Variants in RBFOX2 observed in about 807,000 individuals in gnomAD.
The protein encoded by RBFOX2 is RNA binding fox-1 homolog 2, also known as RNA binding protein fox-1 homolog 2.
RBFOX2 carries 10 observed loss-of-function variants against 49.1 expected under a neutral mutation model. That is an observed-to-expected ratio of 0.20 (90% CI 0.13 to 0.35). The LOEUF (loss-of-function observed/expected upper bound fraction) is 0.35. Ranked by LOEUF, RBFOX2 falls within the 10% of genes least tolerant of loss-of-function variation. The pLI is 1.00. For synonymous variants in RBFOX2, 183 were observed against 187.4 expected (o/e 0.98, Z 0.19); for missense variants, 323 against 486.9 (o/e 0.66, Z 3.17).
rs142455818 is a variant in RBFOX2, at chr22:35,876,701, A to AACACACACACAC, written c.-34+62134_-34+62145dup. The stretch of plus-strand genomic sequence containing the variant: ...CTGATCACATTCTCCCATTAAAAGA[A>AACACACACACAC]ACACACACACACACACACACACACA... On this transcript the variant is annotated intron_variant, in intron 1 of 13. Transcript: ENST00000359369. 2.6e-3 allele frequency among the ~76,000 whole-genome samples: 372 copies of AACACACACACAC among 140,546 alleles called. 1 individual carries two copies. The highest frequency in any genetic ancestry group is 7.4e-3 in the Middle Eastern group (2 of 270). The allele number at this position is 140,546 out of a possible 152,430, so 92.2% of individuals were successfully genotyped here.
chr22:35,768,252 T>C lies in RBFOX2; in HGVS notation c.546+5A>G. On this transcript the variant is annotated splice_donor_5th_base_variant and intron_variant, in intron 5 of 11. Transcript: ENST00000405409. ...ACCAGAAATTGAATTATTAAAGACA[T>C]GCACCTCGATTTTACGGCCCTCTAC... is the stretch of plus-strand genomic sequence containing the variant. 5 of 1,612,474 alleles carry C rather than the reference T, an allele frequency of 3.1e-6. No homozygotes were observed. The highest frequency in any genetic ancestry group is 3.4e-6 in the Non-Finnish European group (4 of 1,178,612).
chr22:35,842,688 C>T (rs1408633683), upstream of RBFOX2, among the ~76,000 whole-genome samples: 1 of 152,000 alleles, frequency 6.6e-6, no homozygotes, highest in Non-Finnish European at 1.5e-5. Context: ...GATAGCATCT[C>T]CCCCACAATG....
intron 1 of RBFOX2, among the ~76,000 whole-genome samples, chr22:36,022,105 A>G (rs1401246709): frequency 2.0e-5 from 3 of 152,206 alleles, no homozygotes; most frequent in Admixed American, 2.0e-4. Context: ...TGCTTTACAA[A>G]TGTATATCAA....
intron 1 of RBFOX2, among the ~76,000 whole-genome samples, chr22:35,833,886 T>C (rs1957203810): frequency 6.6e-6 from 1 of 150,628 alleles, no homozygotes; most frequent in Admixed American, 6.8e-5. Context: ...GTGCTCTGCA[T>C]TATTATTTAG....
chr22:35,789,993 T>C (rs1455211768), intron 2 of RBFOX2, among the ~76,000 whole-genome samples: 2 of 152,176 alleles, frequency 1.3e-5, no homozygotes, highest in Non-Finnish European at 2.9e-5. Context: ...ATTTGTTCTT[T>C]AAGTCTTCTT....
At chr22:35,894,053 G>C (rs953527451) in intron 1 of RBFOX2, among the ~76,000 whole-genome samples, 1 of 151,944 alleles carries the variant, frequency 6.6e-6, no homozygotes, top group East Asian at 1.9e-4. Flanking sequence ...TATTTCCCCT[G>C]ACATTTCTCT....
intron 1 of RBFOX2, among the ~76,000 whole-genome samples, chr22:35,874,494 G>A (rs7289456): frequency 0.22 from 33,824 of 151,660 alleles, 5,874 homozygotes; most frequent in African/African-American, 0.49. Context: ...AGAAAAAGAA[G>A]GATGGTCAAA....
intron 1 of RBFOX2, among the ~76,000 whole-genome samples, chr22:35,927,732 G>T (rs1422033047): frequency 6.6e-6 from 1 of 151,652 alleles, no homozygotes; most frequent in African/African-American, 2.4e-5. Context: ...ACAAAATTCT[G>T]CTCAAGTTAT....
At chr22:35,822,510 T>C (rs941579085) in intron 1 of RBFOX2, among the ~76,000 whole-genome samples, 1 of 152,204 alleles carries the variant, frequency 6.6e-6, no homozygotes, top group African/African-American at 2.4e-5. Context: ...CACGTACTGG[T>C]AACCCAGGTA....
chr22:35,972,863 G>A (rs941628388), intron 1 of RBFOX2, among the ~76,000 whole-genome samples: 28 of 152,060 alleles, frequency 1.8e-4, no homozygotes, highest in African/African-American at 6.5e-4. Flanking sequence ...AATGTCTAAG[G>A]AAAGTACAAG....
chr22:35,944,028 T>A (rs933780000), intron 1 of RBFOX2, among the ~76,000 whole-genome samples: 12 of 152,250 alleles, frequency 7.9e-5, no homozygotes, highest in African/African-American at 2.9e-4. Flanking sequence ...CTCCTATATG[T>A]ACCTACATCT....
In RBFOX2 at chr22:35,805,026, G is replaced by A. The variant is rs550052636; in HGVS notation, c.252+4754C>T. 8.5e-5 allele frequency among the ~76,000 whole-genome samples: 13 copies of A among 152,136 alleles called. No individual in the cohort carries two copies. The South Asian group carries it at 2.5e-3, about 29-fold the overall frequency. ...ACAAAGGCTGGGCGCGGTGGCTCAC[G>A]CCTGTAATCCCAGCACTTTGGGAGG... On this transcript the variant is annotated intron_variant, in intron 2 of 11. Coordinates refer to ENST00000405409, the Ensembl canonical transcript of RBFOX2.
intron 1 of RBFOX2, among the ~76,000 whole-genome samples, chr22:35,889,618 A>G (rs4821450): frequency 0.13 from 19,245 of 152,126 alleles, 1,433 homozygotes; most frequent in Middle Eastern, 0.28. Flanking sequence ...TTTTTAAAAA[A>G]TCTAATTATA....
At chr22:35,752,888 A>C (rs1935462894) in intron 9 of RBFOX2, among the ~76,000 whole-genome samples, 1 of 152,192 alleles carries the variant, frequency 6.6e-6, no homozygotes, top group African/African-American at 2.4e-5. Flanking sequence ...TACATAATCT[A>C]GCTGCCACAC....
At chr22:35,768,132 TACAA>T in intron 5 of RBFOX2, 121 bp downstream of exon 6, 2 of 983,762 alleles carry the variant, frequency 2.0e-6, no homozygotes, top group South Asian at 1.6e-5. Flanking sequence ...AAGACAGAGA[TACAA>T]ACACACATAC....
At position 35,744,268 on chromosome 22, in the gene RBFOX2, T is replaced by G. The variant is rs1393527818; in HGVS notation, c.1050-19A>C. ...AACTCGCCTGCAGTAATTAAAGAGA[T>G]AAAAATAATTAAAAGGTTGATGAGA... On this transcript the variant is annotated intron_variant, in intron 11 of 11. Transcript: ENST00000405409. 1 of 1,598,124 alleles carries G rather than the reference T, an allele frequency of 6.3e-7. No homozygotes were observed. Among genetic ancestry groups the G allele is most frequent in the East Asian group, 2.2e-5 (1 of 44,550 alleles).
intron 1 of RBFOX2, chr22:35,821,724 CT>C (rs1954552427): frequency 3.9e-6 from 2 of 517,098 alleles, no homozygotes; most frequent in Non-Finnish European, 7.7e-6. Flanking sequence ...AGGCCAGAGG[CT>C]GCCATTAGGG....
At chr22:35,946,648 C>T (rs998987783) in intron 1 of RBFOX2, among the ~76,000 whole-genome samples, 1 of 152,174 alleles carries the variant, frequency 6.6e-6, no homozygotes, top group Non-Finnish European at 1.5e-5. Context: ...AAATAACCAA[C>T]CTTTAATTTC....
At chr22:35,781,495 A>G (rs1230624991) in intron 3 of RBFOX2, 105 bp downstream of exon 4, 3 of 1,397,686 alleles carry the variant, frequency 2.1e-6, no homozygotes, top group Non-Finnish European at 2.9e-6. Flanking sequence ...AGGTTCTTTC[A>G]ATCTATTTGT....
Sources: gnomAD v4.1 joint callset for allele counts (sites outside exome capture counted in the v4.1 genomes callset) on GRCh38, gnomAD v4.1.1 for gene constraint, MANE v1.5 for transcripts, NCBI Gene and HGNC (gene_info 2026-07-23, HGNC 2026-07-21) for gene names.